The following TSGA10 variants were observed in gnomAD, a reference collection of about 807,000 sequenced individuals.
The protein encoded by TSGA10 is testis-specific gene 10 protein.
A neutral mutation model predicts 96.6 loss-of-function variants in TSGA10; 43 were observed. The observed-to-expected ratio is 0.44, with a 90% CI of 0.35 to 0.57. The LOEUF is 0.57. Among genes scored for constraint, TSGA10 ranks in the 20% least tolerant of loss-of-function variants. TSGA10 has a pLI of 0.01. For missense variants in TSGA10, 703 were observed against 834.4 expected (o/e 0.84, Z 1.94); for synonymous variants, 229 against 269.9 (o/e 0.85, Z 1.48).
At chr2:99,022,063 CACTTGTAA>C (rs1226326713) in intron 17 of TSGA10, among the ~76,000 whole-genome samples, 1 of 152,086 alleles carries the variant, frequency 6.6e-6, no homozygotes, top group Non-Finnish European at 1.5e-5. Context: ...TGGTGGCTAA[CACTTGTAA>C]TCCCAGCACT....
chr2:99,095,283 TA>T (rs1422324815), intron 10 of TSGA10, among the ~76,000 whole-genome samples: 1 of 151,968 alleles, frequency 6.6e-6, no homozygotes, highest in Non-Finnish European at 1.5e-5. Context: ...TAAAAGACTA[TA>T]AATTGGGTAC....
chr2:99,076,447 T>C (rs1157158719), intron 12 of TSGA10, among the ~76,000 whole-genome samples: 1 of 152,146 alleles, frequency 6.6e-6, no homozygotes, highest in Non-Finnish European at 1.5e-5. Context: ...AGTGACCCTC[T>C]ATATCCATGA....
chr2:99,003,683 A>G (rs1188461408), intron 20 of TSGA10, among the ~76,000 whole-genome samples: 1 of 152,234 alleles, frequency 6.6e-6, no homozygotes, highest in Non-Finnish European at 1.5e-5. Flanking sequence ...TGGAAAGTGA[A>G]CAACCTGCTC....
chr2:99,035,464 G>A (rs1040097713), intron 16 of TSGA10, 25 bp from the exon 17 acceptor site: 2 of 1,470,920 alleles, frequency 1.4e-6, no homozygotes, highest in Non-Finnish European at 1.9e-6. Flanking sequence ...TTATATATAT[G>A]TATGTATACA....
intron 10 of TSGA10, among the ~76,000 whole-genome samples, chr2:99,099,054 T>A (rs1195874205): frequency 6.6e-6 from 1 of 152,234 alleles, no homozygotes; most frequent in Non-Finnish European, 1.5e-5. Context: ...GGCTCACACC[T>A]GTAATCCCAG....
At position 99,074,056 on chromosome 2, in the gene TSGA10, C is replaced by T. The variant is rs190355837; in HGVS notation, c.883-983G>A. On this transcript the variant is annotated intron_variant, in intron 12 of 20. Transcript: ENST00000393483. ...AGATGGAGTTTTGCTCTTGATGCCC[C>T]GGCTGGAGTGCGAGGGCGCGATCTC... Among the ~76,000 whole-genome samples, 32 of 96,372 alleles carry T rather than the reference C, an allele frequency of 3.3e-4. No homozygotes were observed. The East Asian group carries it at 7.4e-3, about 22-fold the overall frequency. The allele number at this position is 96,372 out of a possible 152,430, so 63.2% of individuals were successfully genotyped here.
At chr2:99,031,954 G>C (rs1209370448) in intron 17 of TSGA10, among the ~76,000 whole-genome samples, 1 of 152,206 alleles carries the variant, frequency 6.6e-6, no homozygotes. Flanking sequence ...CATTAGCAGA[G>C]AGGTTTGACT....
At chr2:99,143,132 C>A (rs1034065133) in intron 1 of TSGA10, among the ~76,000 whole-genome samples, 9 of 133,352 alleles carry the variant, frequency 6.7e-5, no homozygotes, top group Non-Finnish European at 1.3e-4. Flanking sequence ...CCCAACTAAA[C>A]CTTTTTTTTT....
chr2:99,035,410 G>C lies in TSGA10; in HGVS notation c.1434C>G (p.Ser478=), dbSNP rs748561588. The change falls in exon 17 of 21, where the codon TCC becomes TCG. Residue 478 remains serine (S), a synonymous_variant. Coordinates refer to ENST00000393483, the MANE Select transcript of TSGA10 (RefSeq NM_025244.4). ...CAGATTTATGTAAGGTAGAAATCTG[G>C]GACTTGTAAGACCTTTCTGCATTTA... ...QHLNAERSYK[S]QISTLHKSVV... is the part of the protein sequence containing the mutation. 1.2e-6 allele frequency: 2 copies of C among 1,610,502 alleles called. No individual in the cohort carries two copies. The highest frequency in any genetic ancestry group is 1.7e-6 in the Non-Finnish European group (2 of 1,178,060).
chr2:99,140,300 T>G (rs1038555799), intron 1 of TSGA10, among the ~76,000 whole-genome samples: 1 of 152,200 alleles, frequency 6.6e-6, no homozygotes, highest in Non-Finnish European at 1.5e-5. Context: ...ACCTGTTTTT[T>G]TCTACTTACA....
At chr2:99,097,456 A>G (rs917040152) in intron 10 of TSGA10, among the ~76,000 whole-genome samples, 20 of 152,202 alleles carry the variant, frequency 1.3e-4, no homozygotes, top group South Asian at 1.2e-3. Context: ...ATGTATGTAT[A>G]TGTGTTATTA....
At chr2:99,140,944 C>A (rs2931526) in intron 1 of TSGA10, 1 of 491,802 alleles carries the variant, frequency 2.0e-6, no homozygotes, top group Non-Finnish European at 3.0e-6. Flanking sequence ...CCCCTCACAG[C>A]CGCTCCCGCT....
At chr2:99,110,005 A>C (rs953332021) in intron 5 of TSGA10, among the ~76,000 whole-genome samples, 1 of 152,180 alleles carries the variant, frequency 6.6e-6, no homozygotes, top group Non-Finnish European at 1.5e-5. Context: ...TCTACTAAAA[A>C]TACAAAAAAA....
At chr2:99,137,576 T>TC (rs1042073255) in intron 1 of TSGA10, among the ~76,000 whole-genome samples, 19 of 151,864 alleles carry the variant, frequency 1.3e-4, no homozygotes, top group Non-Finnish European at 2.4e-4. Flanking sequence ...CATTTTTTTT[T>TC]CCCTCTCCCT....
rs564147361 is a variant in TSGA10 at position 99,101,931 on chromosome 2, T to C, written c.611+2036A>G. 28 of 662,804 alleles carry C rather than the reference T, an allele frequency of 4.2e-5. No individual in the cohort carries two copies. The South Asian group carries it at 4.5e-4, about 11-fold the overall frequency. 41.1% of individuals were successfully genotyped at this position (662,804 alleles called of 1,614,324 possible). A position where few individuals can be genotyped will look rare whatever the true frequency, so the allele number is the denominator to read the frequency against. On this transcript the variant is annotated intron_variant, in intron 10 of 20. Coordinates refer to ENST00000393483, the MANE Select transcript of TSGA10 (RefSeq NM_025244.4). ...TGTTCAAAGGATACAGAGGTTCAGT[T>C]GTGCAACACGAAAAACTCTAGAGAT...
In TSGA10 at chr2:99,018,527, T is replaced by C; in HGVS notation, c.1922+9A>G. ...CATTGTTTTTGAGCTTGCATAGAGA[T>C]AAACTTACCTTTCAAAGCGCTCTGT... On this transcript the variant is annotated intron_variant, in intron 19 of 20. Transcript: ENST00000393483. 6.2e-7 allele frequency: 1 copy of C among 1,611,878 alleles called. No homozygotes were observed. The highest frequency in any genetic ancestry group is 8.5e-7 in the Non-Finnish European group (1 of 1,179,060).
At chr2:99,037,026 T>C (rs1161919171) in intron 16 of TSGA10, among the ~76,000 whole-genome samples, 1 of 152,190 alleles carries the variant, frequency 6.6e-6, no homozygotes, top group African/African-American at 2.4e-5. Context: ...TCTACTATTC[T>C]AGATTACTAT....
At chr2:99,090,439 C>A (rs572454464) in intron 10 of TSGA10, among the ~76,000 whole-genome samples, 10 of 152,108 alleles carry the variant, frequency 6.6e-5, no homozygotes, top group African/African-American at 2.4e-4. Context: ...TTTCTTCTTG[C>A]CAGAAAAAGA....
At chr2:99,035,812 T>G (rs1227820853) in intron 16 of TSGA10, among the ~76,000 whole-genome samples, 1 of 152,132 alleles carries the variant, frequency 6.6e-6, no homozygotes, top group African/African-American at 2.4e-5. Context: ...CTATTGTTGT[T>G]GTTAAAAACA....
Sources: gnomAD v4.1 joint callset for allele counts (sites outside exome capture counted in the v4.1 genomes callset) on GRCh38, gnomAD v4.1.1 for gene constraint, MANE v1.5 for transcripts, NCBI Gene and HGNC (gene_info 2026-07-23, HGNC 2026-07-21) for gene names.